OSBPL6: variants seen among roughly 807,000 people sequenced by gnomAD.
The protein encoded by OSBPL6 is oxysterol-binding protein-related protein 6.
OSBPL6 carries 49 observed loss-of-function variants against 125.8 expected under a neutral mutation model. That is an observed-to-expected ratio of 0.39 (90% CI 0.31 to 0.49). OSBPL6 has a LOEUF of 0.49. Ranked by LOEUF, OSBPL6 falls within the 20% of genes least tolerant of loss-of-function variation. The probability of loss-of-function intolerance (pLI) is 0.88; values close to 1 mark genes in which losing one functional copy is unlikely to be tolerated. For missense variants in OSBPL6, 986 were observed against 1,135.4 expected (o/e 0.87, Z 1.89); for synonymous variants, 394 against 391.8 (o/e 1.01, Z -0.07).
chr2:178,252,131 A>G (rs2091717806), intron 1 of OSBPL6, among the ~76,000 whole-genome samples: 1 of 152,228 alleles, frequency 6.6e-6, no homozygotes. Flanking sequence ...CCAAAAAGGT[A>G]TAAAAACTTG....
At chr2:178,375,714 C>T (rs1010582725) in intron 15 of OSBPL6, among the ~76,000 whole-genome samples, 6 of 152,154 alleles carry the variant, frequency 3.9e-5, no homozygotes, top group Admixed American at 2.0e-4. Context: ...TGAGCCACTG[C>T]GCCCGACCCC....
At chr2:178,260,063 A>G (rs996421148) in intron 1 of OSBPL6, among the ~76,000 whole-genome samples, 1 of 152,184 alleles carries the variant, frequency 6.6e-6, no homozygotes, top group Non-Finnish European at 1.5e-5. Flanking sequence ...ATTAATTGGA[A>G]TGATTCTGTA....
chr2:178,305,139 A>C (rs1686645656), intron 2 of OSBPL6, among the ~76,000 whole-genome samples: 1 of 152,210 alleles, frequency 6.6e-6, no homozygotes, highest in African/African-American at 2.4e-5. Flanking sequence ...TATTAGCATT[A>C]AGATGGGGGC....
At chr2:178,333,890 C>T (rs1689440792) in intron 8 of OSBPL6, among the ~76,000 whole-genome samples, 1 of 152,168 alleles carries the variant, frequency 6.6e-6, no homozygotes, top group Non-Finnish European at 1.5e-5. Context: ...TCTGATCTTT[C>T]AAATAACCAA....
At chr2:178,217,940 C>T (rs1225963478) in intron 1 of OSBPL6, among the ~76,000 whole-genome samples, 7 of 152,174 alleles carry the variant, frequency 4.6e-5, no homozygotes, top group Non-Finnish European at 8.8e-5. Context: ...GGAGGACTTC[C>T]GTGTCCTCAC....
chr2:178,371,023 A>G (rs1403531205), intron 13 of OSBPL6, among the ~76,000 whole-genome samples: 2 of 152,142 alleles, frequency 1.3e-5, no homozygotes, highest in East Asian at 3.9e-4. Context: ...ATGAGATTAT[A>G]TTTGTGTATG....
chr2:178,268,976 T>G (rs2092312834), intron 1 of OSBPL6, among the ~76,000 whole-genome samples: 1 of 152,216 alleles, frequency 6.6e-6, no homozygotes, highest in Admixed American at 6.5e-5. Context: ...GTATGTGCAC[T>G]GAGCTTCAAT....
chr2:178,299,624 T>G (rs1192875713), intron 2 of OSBPL6, among the ~76,000 whole-genome samples: 1 of 152,178 alleles, frequency 6.6e-6, no homozygotes, highest in African/African-American at 2.4e-5. Context: ...CCAGATGAAC[T>G]TTAAAATAAT....
chr2:178,329,784 T>C (rs1357850292), intron 5 of OSBPL6, among the ~76,000 whole-genome samples: 1 of 152,146 alleles, frequency 6.6e-6, no homozygotes, highest in African/African-American at 2.4e-5. Context: ...TAAATCTATA[T>C]ATTTGGCACA....
intron 14 of OSBPL6, among the ~76,000 whole-genome samples, chr2:178,373,093 G>T (rs1693552825): frequency 6.6e-6 from 1 of 152,090 alleles, no homozygotes; most frequent in African/African-American, 2.4e-5. Flanking sequence ...AGGTACAAGG[G>T]TTCTAACCTC....
intron 1 of OSBPL6, among the ~76,000 whole-genome samples, chr2:178,247,720 C>T (rs1304757758): frequency 1.3e-5 from 2 of 152,102 alleles, no homozygotes; most frequent in Non-Finnish European, 2.9e-5. Flanking sequence ...GAACTGCAAG[C>T]TCTTGGGCCT....
intron 21 of OSBPL6, 141 bp from the exon 22 acceptor site, chr2:178,390,932 T>C: frequency 9.4e-7 from 1 of 1,062,810 alleles, no homozygotes; most frequent in Non-Finnish European, 1.4e-6. Context: ...GCCCTCCATA[T>C]AAAACGTTTT....
chr2:178,386,915 G>A, intron 19 of OSBPL6, 146 bp from the exon 20 acceptor site: 1 of 434,366 alleles, frequency 2.3e-6, no homozygotes, highest in Non-Finnish European at 4.1e-6. Flanking sequence ...TGGGCCATTT[G>A]CAGGCACTTG....
chr2:178,311,663 T>C (rs933228526), intron 3 of OSBPL6, among the ~76,000 whole-genome samples: 1 of 152,178 alleles, frequency 6.6e-6, no homozygotes, highest in Non-Finnish European at 1.5e-5. Context: ...GAGGTCTTGA[T>C]AGCTGCAAAG....
intron 1 of OSBPL6, among the ~76,000 whole-genome samples, chr2:178,258,164 G>C (rs1028698019): frequency 1.3e-5 from 2 of 151,528 alleles, no homozygotes; most frequent in Non-Finnish European, 2.9e-5. Context: ...GCAGTGGCGC[G>C]ATCTTGGCTC....
chr2:178,353,396 C>A (rs866361248), intron 12 of OSBPL6, among the ~76,000 whole-genome samples: 1 of 151,968 alleles, frequency 6.6e-6, no homozygotes, highest in East Asian at 1.9e-4. Flanking sequence ...GTGGAGAGGA[C>A]CTTAAATGAC....
chr2:178,223,011 G>C (rs1030161549), intron 1 of OSBPL6, among the ~76,000 whole-genome samples: 3 of 152,186 alleles, frequency 2.0e-5, no homozygotes, highest in African/African-American at 7.2e-5. Context: ...TGGCTGCAGA[G>C]ATTTGGTGGA....
intron 1 of OSBPL6, among the ~76,000 whole-genome samples, chr2:178,281,453 G>A (rs891128467): frequency 5.3e-5 from 8 of 152,122 alleles, no homozygotes; most frequent in African/African-American, 1.7e-4. Flanking sequence ...TGTATAAGGT[G>A]TAAGGAAGGG....
chr2:178,358,242 A>T (rs529760842), intron 12 of OSBPL6, among the ~76,000 whole-genome samples: 8 of 152,202 alleles, frequency 5.3e-5, no homozygotes, highest in Non-Finnish European at 8.8e-5. Context: ...AAAAAAATTT[A>T]AAAAATAAAT....
Sources: allele counts gnomAD v4.1 joint callset (sites outside exome capture counted in the v4.1 genomes callset), GRCh38; gene constraint gnomAD v4.1.1; transcripts MANE v1.5; gene names NCBI Gene and HGNC (gene_info 2026-07-23, HGNC 2026-07-21).